The following GATB variants were observed in gnomAD, a reference collection of about 807,000 sequenced individuals.
The protein encoded by GATB is glutamyl-tRNA(Gln) amidotransferase subunit B, mitochondrial.
Under a neutral mutation model 62.3 loss-of-function variants are expected in GATB, and 39 were observed. The observed-to-expected ratio is 0.63, with a 90% CI of 0.48 to 0.82. GATB has a LOEUF of 0.82. Among genes scored for constraint, GATB ranks in the 40% least tolerant of loss-of-function variants. The pLI is 0.00. For missense variants in GATB, 670 were observed against 684.0 expected, an observed-to-expected ratio of 0.98 and a Z score of 0.23; for synonymous variants, 276 against 258.9, an observed-to-expected ratio of 1.07 and a Z score of -0.63.
rs764073602 is a variant in GATB at position 151,679,869 on chromosome 4, C to G, written c.1354G>C (p.Ala452Pro). ...SESPVTPSALAELLDLLDSRT... is the reference protein window; with the variant it reads ...SESPVTPSALPELLDLLDSRT... ...CTGTCCAGCAGGTCAAGAAGCTCAG[C>G]GAGTGCAGAGGGTGTGACAGGACTG... Residue 452 changes from alanine to proline, a missense_variant, in exon 11 of 13, where the codon GCT becomes CCT. Physicochemically the swap from Ala to Pro is conservative, Grantham distance 27. Coordinates refer to ENST00000263985, the MANE Select transcript of GATB (RefSeq NM_004564.3). 6.2e-7 allele frequency: 1 copy of G among 1,614,008 alleles called. No individual in the cohort carries two copies. Among genetic ancestry groups the G allele is most frequent in the South Asian group, 1.1e-5 (1 of 91,054 alleles).
intron 10 of GATB, among the ~76,000 whole-genome samples, chr4:151,688,418 C>T (rs1738294870): frequency 6.6e-6 from 1 of 152,172 alleles, no homozygotes; most frequent in South Asian, 2.1e-4. Context: ...GTGCAGAGGA[C>T]ACAGTGCACA....
intron 9 of GATB, among the ~76,000 whole-genome samples, chr4:151,693,081 C>T (rs919926586): frequency 1.3e-5 from 2 of 152,226 alleles, no homozygotes; most frequent in Non-Finnish European, 2.9e-5. Context: ...GGCTCATCAC[C>T]TGCGTATCAA....
At chr4:151,700,442 C>A (rs1458704479) in intron 9 of GATB, among the ~76,000 whole-genome samples, 2 of 152,088 alleles carry the variant, frequency 1.3e-5, no homozygotes, top group Non-Finnish European at 2.9e-5. Flanking sequence ...TGACTGCCTA[C>A]GTTGTACTGT....
At chr4:151,729,591 C>G (rs1739203412) in intron 2 of GATB, among the ~76,000 whole-genome samples, 1 of 152,052 alleles carries the variant, frequency 6.6e-6, no homozygotes, top group African/African-American at 2.4e-5. Context: ...GCCATGATGT[C>G]TGCAACTTAC....
chr4:151,715,685 A>G (rs1483225434), intron 5 of GATB, among the ~76,000 whole-genome samples: 2 of 152,222 alleles, frequency 1.3e-5, no homozygotes, highest in Admixed American at 1.3e-4. Context: ...TCACTAACTA[A>G]GAACTGTTCT....
At chr4:151,723,342 C>T (rs1347631451) in intron 2 of GATB, 2 of 152,150 alleles carry the variant, frequency 1.3e-5, no homozygotes, top group Non-Finnish European at 1.5e-5. Context: ...GTCAGGGTGA[C>T]ACATGGAAGT....
At chr4:151,677,146 T>C (rs190159442) in intron 11 of GATB, among the ~76,000 whole-genome samples, 1 of 152,298 alleles carries the variant, frequency 6.6e-6, no homozygotes, top group East Asian at 1.9e-4. Context: ...CAATAACCAG[T>C]AGGATCAGAG....
intron 2 of GATB, among the ~76,000 whole-genome samples, chr4:151,734,228 T>C (rs2126988525): frequency 6.6e-6 from 1 of 151,902 alleles, no homozygotes; most frequent in Non-Finnish European, 1.5e-5. Flanking sequence ...CTAGAACTGA[T>C]AAAAGAATTC....
At chr4:151,705,975 A>G (rs771389713) in intron 6 of GATB, among the ~76,000 whole-genome samples, 40 of 152,072 alleles carry the variant, frequency 2.6e-4, no homozygotes, top group Non-Finnish European at 2.9e-5. Context: ...CCAGCCTGCT[A>G]AACTGCTTTA....
At chr4:151,755,234 T>C (rs748588236) in intron 2 of GATB, among the ~76,000 whole-genome samples, 3 of 151,938 alleles carry the variant, frequency 2.0e-5, no homozygotes, top group Admixed American at 6.5e-5. Context: ...GAAGATTAAG[T>C]AATCTACATG....
At position 151,760,931 on chromosome 4, in the gene GATB, C is replaced by T. The variant is rs953011453; in HGVS notation, c.52G>A (p.Ala18Thr). 3 of 1,613,670 alleles carry T rather than the reference C, an allele frequency of 1.9e-6. No individual in the cohort carries two copies. Among genetic ancestry groups the T allele is most frequent in the African/African-American group, 1.3e-5 (1 of 74,928 alleles). Reference protein sequence around the residue: ...WGCRGRRWAFARVDGGSCHRR... With the variant: ...WGCRGRRWAFTRVDGGSCHRR... The stretch of plus-strand genomic sequence containing the variant: ...TGGCAAGAACCACCGTCAACCCGGG[C>T]GAAAGCCCAACGTCTTCCACGGCAG... The change falls in exon 1 of 13, where the codon GCC (alanine) becomes ACC (threonine). Residue 18 changes from alanine (A) to threonine (T), a missense_variant. Ala to Thr is a moderately conservative substitution (Grantham distance 58, BLOSUM62 0). Coordinates refer to ENST00000263985, the MANE Select transcript of GATB (RefSeq NM_004564.3).
chr4:151,688,660 A>C lies in GATB; in HGVS notation c.1301T>G (p.Leu434Ter). The change falls in exon 10 of 13, where the codon TTA becomes TGA. Residue 434 changes from leucine (L) to a stop codon, truncating the protein, a stop_gained. Transcript: ENST00000263985. LOFTEE classifies it high-confidence loss of function. ...ACTGACAGCGAGGTTCTGTTGCTTT[A>C]AATAGCCCAGAAAAGTGTTGAGGAC... Reference protein sequence around the residue: ...SWVLNTFLGYLKQQNLAVSES... With the variant: ...SWVLNTFLGY 1 of 1,610,748 alleles carries C rather than the reference A, an allele frequency of 6.2e-7. No homozygotes were observed. Among genetic ancestry groups the C allele is most frequent in the Non-Finnish European group, 8.5e-7 (1 of 1,179,186 alleles).
intron 2 of GATB, among the ~76,000 whole-genome samples, chr4:151,743,468 T>C (rs1739537118): frequency 6.6e-6 from 1 of 152,230 alleles, no homozygotes; most frequent in Non-Finnish European, 1.5e-5. Flanking sequence ...TCTATAAACA[T>C]ATTACACACA....
intron 6 of GATB, among the ~76,000 whole-genome samples, chr4:151,707,524 C>T (rs1220880514): frequency 6.6e-6 from 1 of 152,104 alleles, no homozygotes; most frequent in Admixed American, 6.5e-5. Context: ...AACTCGTGGC[C>T]TCAAGCAATC....
intron 2 of GATB, chr4:151,721,923 G>T: frequency 2.1e-6 from 1 of 467,718 alleles, no homozygotes; most frequent in Non-Finnish European, 3.8e-6. Context: ...TTCCAGAGAA[G>T]AAGGCAGTAA....
At chr4:151,729,251 G>A (rs1055697487) in intron 2 of GATB, among the ~76,000 whole-genome samples, 1 of 151,926 alleles carries the variant, frequency 6.6e-6, no homozygotes, top group African/African-American at 2.4e-5. Context: ...TAAAATAGCT[G>A]GCCTGGGCAT....
chr4:151,679,952 G>A (rs1018470540), intron 10 of GATB, 61 bp from the exon 11 acceptor site: 1 of 1,463,966 alleles, frequency 6.8e-7, no homozygotes, highest in Non-Finnish European at 9.6e-7. Context: ...ATCCATGAAT[G>A]GCTGTTCGGA....
At chr4:151,702,422 G>A (rs1037986113) in intron 8 of GATB, among the ~76,000 whole-genome samples, 8 of 152,190 alleles carry the variant, frequency 5.3e-5, no homozygotes, top group African/African-American at 1.9e-4. Context: ...CACGATGGTG[G>A]ATGCATGTCA....
intron 9 of GATB, among the ~76,000 whole-genome samples, chr4:151,698,223 G>C (rs926204638): frequency 6.6e-6 from 1 of 151,854 alleles, no homozygotes; most frequent in Non-Finnish European, 1.5e-5. Flanking sequence ...CAGTCATGGA[G>C]TACCTACCGT....
Sources: allele counts gnomAD v4.1 joint callset (sites outside exome capture counted in the v4.1 genomes callset), GRCh38; gene constraint gnomAD v4.1.1; transcripts MANE v1.5; gene names NCBI Gene and HGNC (gene_info 2026-07-23, HGNC 2026-07-21).